Variants in C1GALT1 observed in about 807,000 individuals in gnomAD.
The protein encoded by C1GALT1 is glycoprotein-N-acetylgalactosamine 3-beta-galactosyltransferase 1.
A neutral mutation model predicts 31.0 loss-of-function variants in C1GALT1; 11 were observed. The observed-to-expected ratio is 0.36, with a 90% CI of 0.22 to 0.59. C1GALT1 has a LOEUF of 0.59. Ranked by LOEUF, C1GALT1 falls within the 20% of genes least tolerant of loss-of-function variation. C1GALT1 has a pLI of 0.79. For missense variants in C1GALT1, 424 were observed against 425.2 expected (o/e 1.00, Z 0.03); for synonymous variants, 175 against 143.6 (o/e 1.22, Z -1.56).
At chr7:7,227,046 T>C (rs565894651) in intron 1 of C1GALT1, among the ~76,000 whole-genome samples, 2 of 152,136 alleles carry the variant, frequency 1.3e-5, no homozygotes, top group Non-Finnish European at 2.9e-5. Context: ...CTCCAACTCC[T>C]TTCTGTTTTT....
chr7:7,178,736 TATTC>T (rs2128228010), upstream of C1GALT1, among the ~76,000 whole-genome samples: 1 of 152,342 alleles, frequency 6.6e-6, no homozygotes, highest in South Asian at 2.1e-4. Context: ...TTCAATTATT[TATTC>T]ATTCAAACAA....
intron 3 of C1GALT1, among the ~76,000 whole-genome samples, chr7:7,239,325 C>T (rs1783517357): frequency 6.6e-6 from 1 of 152,112 alleles, no homozygotes; most frequent in Non-Finnish European, 1.5e-5. Flanking sequence ...GGGATGGAGT[C>T]CTCTGGTTTG....
intron 1 of C1GALT1, among the ~76,000 whole-genome samples, chr7:7,231,283 G>A (rs887817573): frequency 6.6e-6 from 1 of 152,054 alleles, no homozygotes; most frequent in African/African-American, 2.4e-5. Flanking sequence ...TTTGACTGAT[G>A]TACTTAGGTA....
intron 2 of C1GALT1, chr7:7,235,351 C>T (rs1783287341): frequency 6.6e-6 from 1 of 152,206 alleles, no homozygotes; most frequent in Admixed American, 6.5e-5. Flanking sequence ...TTCTTCACCA[C>T]CTCTCAAGCA....
At chr7:7,201,778 C>G (rs183649668) in intron 1 of C1GALT1, among the ~76,000 whole-genome samples, 1 of 152,352 alleles carries the variant, frequency 6.6e-6, no homozygotes, top group African/African-American at 2.4e-5. Flanking sequence ...GTAAGCAGGG[C>G]TTTCAGGTTT....
rs535433641 is a variant in C1GALT1, at chr7:7,201,453, G to T, written c.-18+18633G>T. On this transcript the variant is annotated intron_variant, in intron 1 of 3. Coordinates refer to ENST00000436587, the MANE Select transcript of C1GALT1 (RefSeq NM_020156.5). The stretch of plus-strand genomic sequence containing the variant: ...CCCAGTTAGGCTACTGGGAGGTCAG[G>T]GCCCCACTTGAGGAGGCAGTCTGTC... Among the ~76,000 whole-genome samples, 15 of 152,258 alleles carry T rather than the reference G, an allele frequency of 9.9e-5. No homozygotes were observed. The East Asian group carries it at 2.7e-3, about 27-fold the overall frequency.
chr7:7,202,540 A>G (rs1423751623), intron 1 of C1GALT1, among the ~76,000 whole-genome samples: 1 of 151,694 alleles, frequency 6.6e-6, no homozygotes. Context: ...CCATAAAGTG[A>G]GATGCTTTTT....
intron 1 of C1GALT1, among the ~76,000 whole-genome samples, chr7:7,197,151 C>G (rs1380008231): frequency 1.3e-5 from 2 of 152,144 alleles, no homozygotes; most frequent in Non-Finnish European, 2.9e-5. Context: ...CCTAGGTTTT[C>G]TTACAGGGTT....
At chr7:7,196,745 T>A (rs1223730592) in intron 1 of C1GALT1, among the ~76,000 whole-genome samples, 1 of 152,234 alleles carries the variant, frequency 6.6e-6, no homozygotes, top group African/African-American at 2.4e-5. Context: ...GACTTTTTAA[T>A]GATCGCCATT....
At chr7:7,220,028 CTTA>C (rs1478977847) in intron 1 of C1GALT1, among the ~76,000 whole-genome samples, 4 of 152,232 alleles carry the variant, frequency 2.6e-5, no homozygotes, top group East Asian at 1.9e-4. Flanking sequence ...TCCTTGGAAG[CTTA>C]TTATGTACAG....
At chr7:7,197,397 C>T (rs921649462) in intron 1 of C1GALT1, among the ~76,000 whole-genome samples, 2 of 152,124 alleles carry the variant, frequency 1.3e-5, no homozygotes, top group African/African-American at 4.8e-5. Flanking sequence ...TTCCATTGGT[C>T]TGTATCTCTG....
intron 2 of C1GALT1, among the ~76,000 whole-genome samples, chr7:7,166,042 G>A (rs527584854): frequency 3.9e-5 from 6 of 152,204 alleles, no homozygotes; most frequent in Admixed American, 2.6e-4. Flanking sequence ...CTGGTCCCAG[G>A]CACTTGAGAT....
At chr7:7,174,587 GA>G (rs142320914) in intron 2 of C1GALT1, among the ~76,000 whole-genome samples, 49,518 of 145,102 alleles carry the variant, frequency 0.34, 8,264 homozygotes, top group East Asian at 0.49. Context: ...AGTTAAAAAA[GA>G]AAAAAAAAAA....
At chr7:7,233,615 C>T (rs1427592899) in intron 1 of C1GALT1, among the ~76,000 whole-genome samples, 2 of 152,230 alleles carry the variant, frequency 1.3e-5, no homozygotes, top group African/African-American at 2.4e-5. Flanking sequence ...TTTTGTGAGA[C>T]ATATTGCCTC....
intron 1 of C1GALT1, among the ~76,000 whole-genome samples, chr7:7,229,956 G>A (rs867259096): frequency 3.9e-5 from 6 of 152,310 alleles, no homozygotes; most frequent in Non-Finnish European, 5.9e-5. Flanking sequence ...AGCAAAAGGT[G>A]TAAACATGTA....
chr7:7,221,709 G>A (rs1444908514), intron 1 of C1GALT1, among the ~76,000 whole-genome samples: 1 of 152,156 alleles, frequency 6.6e-6, no homozygotes, highest in East Asian at 1.9e-4. Flanking sequence ...TTAACTTTCT[G>A]TATCCAAAAC....
intron 2 of C1GALT1, among the ~76,000 whole-genome samples, chr7:7,166,234 G>A (rs2128226884): frequency 6.6e-6 from 1 of 152,240 alleles, no homozygotes; most frequent in Middle Eastern, 3.4e-3. Context: ...CAGGTTTAGG[G>A]TGAGAAACAA....
intron 1 of C1GALT1, among the ~76,000 whole-genome samples, chr7:7,199,275 C>T (rs572576242): frequency 7.4e-4 from 113 of 152,284 alleles, no homozygotes; most frequent in African/African-American, 2.7e-3. Flanking sequence ...TCTTTTATTT[C>T]TGCCTTCATT....
chr7:7,227,706 C>A (rs1160948223), intron 1 of C1GALT1, among the ~76,000 whole-genome samples: 1 of 130,320 alleles, frequency 7.7e-6, no homozygotes, highest in Non-Finnish European at 1.6e-5. Context: ...GGCAACAGAG[C>A]GAGACTCCGT....
Sources: allele counts gnomAD v4.1 joint callset (sites outside exome capture counted in the v4.1 genomes callset), GRCh38; gene constraint gnomAD v4.1.1; transcripts MANE v1.5; gene names NCBI Gene and HGNC (gene_info 2026-07-23, HGNC 2026-07-21).